The following ST18 variants were observed in gnomAD, a reference collection of about 807,000 sequenced individuals.
ST18 encodes the protein ST18 C2H2C-type zinc finger transcription factor.
ST18 carries 50 observed loss-of-function variants against 110.0 expected under a neutral mutation model. The observed-to-expected ratio is 0.45, with a 90% CI of 0.36 to 0.58. The LOEUF (loss-of-function observed/expected upper bound fraction) is 0.58. Among genes scored for constraint, ST18 ranks in the 20% least tolerant of loss-of-function variants. The pLI is 0.00. For missense variants in ST18, 1,306 were observed against 1,280.1 expected (o/e 1.02, Z -0.31); for synonymous variants, 461 against 452.4 (o/e 1.02, Z -0.24).
intron 2 of ST18, among the ~76,000 whole-genome samples, chr8:52,278,236 G>T (rs2095311331): frequency 6.6e-6 from 1 of 152,144 alleles, no homozygotes; most frequent in Admixed American, 6.5e-5. Context: ...CATACGTTCT[G>T]GGAAAGAGCT....
At chr8:52,308,085 G>C (rs905276697) in intron 2 of ST18, among the ~76,000 whole-genome samples, 1 of 152,162 alleles carries the variant, frequency 6.6e-6, no homozygotes, top group Non-Finnish European at 1.5e-5. Context: ...GGTCACGGGA[G>C]CTCTGCCAGG....
At chr8:52,122,465 A>T (rs184787630) in intron 23 of ST18, among the ~76,000 whole-genome samples, 1 of 151,696 alleles carries the variant, frequency 6.6e-6, no homozygotes, top group Admixed American at 6.6e-5. Flanking sequence ...TTCTTGAGTG[A>T]ACTTCTATTA....
chr8:52,313,678 A>G (rs966162537), intron 2 of ST18, among the ~76,000 whole-genome samples: 1 of 152,180 alleles, frequency 6.6e-6, no homozygotes, highest in Admixed American at 6.5e-5. Context: ...TGTGGTTTCC[A>G]GGGCCCAGAC....
intron 22 of ST18, among the ~76,000 whole-genome samples, chr8:52,127,711 A>G (rs1409876657): frequency 6.6e-6 from 1 of 152,126 alleles, no homozygotes; most frequent in Non-Finnish European, 1.5e-5. Context: ...AGCAAAGAAT[A>G]TAGTTATGAA....
At chr8:52,136,743 G>T in intron 18 of ST18, 85 bp from the exon 19 acceptor site, 1 of 1,161,730 alleles carries the variant, frequency 8.6e-7, no homozygotes, top group Non-Finnish European at 1.2e-6. Flanking sequence ...GTGAACATAC[G>T]TTAAATTATT....
chr8:52,289,339 T>C (rs1218103741), intron 2 of ST18, among the ~76,000 whole-genome samples: 1 of 152,076 alleles, frequency 6.6e-6, no homozygotes, highest in Non-Finnish European at 1.5e-5. Context: ...GCATGCCTGA[T>C]GTCCCAGCTA....
chr8:52,279,745 A>G (rs1419610478), intron 2 of ST18, among the ~76,000 whole-genome samples: 4 of 152,194 alleles, frequency 2.6e-5, no homozygotes, highest in Non-Finnish European at 5.9e-5. Context: ...GAGAGAAACT[A>G]AGAGAAAAAC....
chr8:52,214,700 T>C (rs902943082), intron 6 of ST18, among the ~76,000 whole-genome samples: 1 of 152,114 alleles, frequency 6.6e-6, no homozygotes, highest in Non-Finnish European at 1.5e-5. Flanking sequence ...AAATGATTCC[T>C]CGTGTAAAAA....
At chr8:52,205,047 T>C (rs2135662636) in intron 8 of ST18, among the ~76,000 whole-genome samples, 1 of 152,138 alleles carries the variant, frequency 6.6e-6, no homozygotes, top group South Asian at 2.1e-4. Context: ...TTAGACAAGC[T>C]GGAGAGTACT....
chr8:52,265,967 G>A (rs973810548), intron 2 of ST18, among the ~76,000 whole-genome samples: 13 of 152,174 alleles, frequency 8.5e-5, no homozygotes, highest in African/African-American at 3.1e-4. Flanking sequence ...GCCAGGAGAG[G>A]AGGCTGAGCA....
At chr8:52,337,217 A>G (rs1326776664) in intron 2 of ST18, among the ~76,000 whole-genome samples, 1 of 152,246 alleles carries the variant, frequency 6.6e-6, no homozygotes, top group Non-Finnish European at 1.5e-5. Flanking sequence ...CAACAATGTG[A>G]CATTTGCCAT....
chr8:52,316,959 A>G lies in ST18; in HGVS notation c.-464-86882T>C, dbSNP rs191479259. Among the ~76,000 whole-genome samples the G allele has an allele frequency of 3.8e-3, 582 of 152,364 alleles. 1 individual carries two copies. The highest frequency in any genetic ancestry group is 0.034 in the Middle Eastern group (10 of 294). On this transcript the variant is annotated intron_variant, in intron 2 of 25. Transcript: ENST00000689386. ...GGGAAGATGTCCTTTATCTTAAAGAAGCCTTCATCTCTACCCAATTCACAA... is the reference window on the plus strand; with the variant it reads ...GGGAAGATGTCCTTTATCTTAAAGAGGCCTTCATCTCTACCCAATTCACAA...
chr8:52,255,326 C>A (rs1237943519), intron 2 of ST18, among the ~76,000 whole-genome samples: 1 of 152,118 alleles, frequency 6.6e-6, no homozygotes, highest in East Asian at 1.9e-4. Flanking sequence ...CATTTGATAC[C>A]CTTCCCACTC....
chr8:52,179,481 T>C (rs2068453992), intron 9 of ST18, among the ~76,000 whole-genome samples: 1 of 152,160 alleles, frequency 6.6e-6, no homozygotes, highest in Non-Finnish European at 1.5e-5. Context: ...ATCATTTTCC[T>C]TCAGTCTCCT....
intron 2 of ST18, among the ~76,000 whole-genome samples, chr8:52,289,256 G>A (rs1314338157): frequency 6.6e-6 from 1 of 152,138 alleles, no homozygotes; most frequent in Non-Finnish European, 1.5e-5. Flanking sequence ...CCAAGGCAGT[G>A]GGAGACCAGC....
chr8:52,266,777 C>G (rs2094885976), intron 2 of ST18, among the ~76,000 whole-genome samples: 1 of 152,106 alleles, frequency 6.6e-6, no homozygotes, highest in African/African-American at 2.4e-5. Flanking sequence ...CTCCTGACCT[C>G]AGCCTCCCAA....
In ST18 at chr8:52,113,204, A is replaced by T. The variant is rs2041035234; in HGVS notation, c.3138T>A (p.His1046Gln). The change falls in exon 26 of 26, where the codon CAT becomes CAA. Residue 1046 changes from histidine to glutamine, a missense_variant. His to Gln is a conservative substitution (Grantham distance 24). Coordinates refer to ENST00000689386, the MANE Select transcript of ST18 (RefSeq NM_001352837.2). ...GCCCGGCAGCGCTGTGATCCTACACATGGATACCCTTCACTGCCTGTTTGA... is the reference window on the plus strand; with the variant it reads ...GCCCGGCAGCGCTGTGATCCTACACTTGGATACCCTTCACTGCCTGTTTGA... ...ESIKQAVKGI[H>Q]V 1 of 1,613,866 alleles carries T rather than the reference A, an allele frequency of 6.2e-7. No homozygotes were observed. The highest frequency in any genetic ancestry group is 1.1e-5 in the South Asian group (1 of 91,074).
At chr8:52,241,929 A>C (rs1589163173) in intron 2 of ST18, among the ~76,000 whole-genome samples, 1 of 151,986 alleles carries the variant, frequency 6.6e-6, no homozygotes, top group Non-Finnish European at 1.5e-5. Context: ...TCATTTCTAC[A>C]TGCTTTCTTT....
intron 8 of ST18, 30 bp downstream of exon 8, chr8:52,212,049 G>GA (rs537940878): frequency 5.6e-5 from 90 of 1,593,006 alleles, no homozygotes; most frequent in South Asian, 5.2e-4. Context: ...CCATTAATGT[G>GA]AAAAAAAAGT....
Sources: allele counts gnomAD v4.1 joint callset (sites outside exome capture counted in the v4.1 genomes callset), GRCh38; gene constraint gnomAD v4.1.1; transcripts MANE v1.5; gene names NCBI Gene and HGNC (gene_info 2026-07-23, HGNC 2026-07-21).